Variants in FMN1 observed in about 807,000 individuals in gnomAD.
FMN1 encodes formin-1.
In FMN1, 110 loss-of-function variants were observed where a neutral mutation model predicts 132.4. The ratio of observed to expected loss-of-function variants is 0.83; its 90% CI spans 0.71 to 0.97. FMN1 has a LOEUF of 0.97. FMN1 is among the 50% of genes least tolerant of loss of function. FMN1 has a pLI of 0.00. For synonymous variants in FMN1, 722 were observed against 651.7 expected (o/e 1.11, Z -1.64); for missense variants, 1,792 against 1,705.3 (o/e 1.05, Z -0.90).
chr15:33,049,320 A>C (rs181526735), intron 6 of FMN1, among the ~76,000 whole-genome samples: 22 of 152,342 alleles, frequency 1.4e-4, no homozygotes, highest in Admixed American at 1.4e-3. Context: ...CTTGTGGTAA[A>C]TGTGACATTA....
At chr15:32,841,546 C>T (rs116933355) in intron 17 of FMN1, among the ~76,000 whole-genome samples, 1,844 of 152,212 alleles carry the variant, frequency 0.012, 55 homozygotes, top group Admixed American at 0.061. Flanking sequence ...TCAGAAGAAG[C>T]GGAGTAGAAA....
Position 32,926,277 on chromosome 15 carries a change from A to AAG in FMN1, c.3139-17_3139-16insCT. ...ATTTGATGATCTAAAATTAGAAAAA[A>AAG]AAAAAAAAGAATACAAGCTCAAATG... On this transcript the variant is annotated splice_polypyrimidine_tract_variant and intron_variant, in intron 9 of 20. Coordinates refer to ENST00000616417, the MANE Select transcript of FMN1 (RefSeq NM_001277313.2). The AAG allele has an allele frequency of 7.1e-7, 1 of 1,406,858 alleles. No individual in the cohort carries two copies. Among genetic ancestry groups the AAG allele is most frequent in the Non-Finnish European group, 9.7e-7 (1 of 1,030,932 alleles). 87.1% of individuals were successfully genotyped at this position (1,406,858 alleles called of 1,614,324 possible). A position where few individuals can be genotyped will look rare whatever the true frequency, so the allele number is the denominator to read the frequency against.
intron 5 of FMN1, chr15:33,068,054 C>T: frequency 7.0e-7 from 1 of 1,427,414 alleles, no homozygotes; most frequent in East Asian, 2.5e-5. Flanking sequence ...TCACAGTGCC[C>T]TCCTTCCGGT....
chr15:32,968,355 C>T (rs995080133), intron 8 of FMN1, among the ~76,000 whole-genome samples: 6 of 152,106 alleles, frequency 3.9e-5, no homozygotes, highest in Admixed American at 6.5e-5. Context: ...CTCAGTGAAC[C>T]TACAGTATGG....
At chr15:32,797,759 G>A (rs2057337373) in intron 19 of FMN1, among the ~76,000 whole-genome samples, 1 of 152,112 alleles carries the variant, frequency 6.6e-6, no homozygotes. Context: ...AATACTTAGA[G>A]ACTAATACTA....
At position 33,112,208 on chromosome 15, in the gene FMN1, A is replaced by T. The variant is rs138965092; in HGVS notation, c.1868-23234T>A. Among the ~76,000 whole-genome samples, 1,491 of 152,246 alleles carry T rather than the reference A, an allele frequency of 9.8e-3. 21 individuals carry two copies. The highest frequency in any genetic ancestry group is 0.034 in the African/African-American group (1,415 of 41,552). On this transcript the variant is annotated intron_variant, in intron 4 of 20. Coordinates refer to ENST00000616417, the MANE Select transcript of FMN1 (RefSeq NM_001277313.2). ...ATAGTCATCTACATGATAAAATGTT[A>T]CCCCTTAAAATTATAAAGGTATAAT...
intron 4 of FMN1, among the ~76,000 whole-genome samples, chr15:33,142,946 G>C (rs1213126746): frequency 6.6e-6 from 1 of 152,204 alleles, no homozygotes; most frequent in Non-Finnish European, 1.5e-5. Context: ...TGAAGTACAT[G>C]AAACATTAAA....
chr15:33,055,912 C>T (rs756674284), intron 6 of FMN1, among the ~76,000 whole-genome samples: 4 of 152,092 alleles, frequency 2.6e-5, no homozygotes, highest in African/African-American at 9.7e-5. Context: ...GAAAGAGAGA[C>T]AATTCATTAA....
chr15:33,031,034 G>A (rs1358572868), intron 6 of FMN1, among the ~76,000 whole-genome samples: 5 of 149,452 alleles, frequency 3.3e-5, no homozygotes, highest in African/African-American at 1.2e-4. Context: ...GTGTCCATGT[G>A]TTCTCATTGT....
At chr15:33,033,517 T>G (rs1162326302) in intron 6 of FMN1, among the ~76,000 whole-genome samples, 1 of 152,194 alleles carries the variant, frequency 6.6e-6, no homozygotes, top group Non-Finnish European at 1.5e-5. Flanking sequence ...CTTGAAAGTA[T>G]CACTCTAGGT....
At chr15:33,089,523 T>C (rs532505205) in intron 4 of FMN1, among the ~76,000 whole-genome samples, 2 of 152,238 alleles carry the variant, frequency 1.3e-5, no homozygotes, top group Admixed American at 6.5e-5. Context: ...AAGGTATTAG[T>C]CTAGCTTATT....
intron 1 of FMN1, among the ~76,000 whole-genome samples, 175 bp from the exon 2 acceptor site, chr15:33,194,235 CCCCGCCCT>C (rs970595387): frequency 9.8e-5 from 13 of 132,756 alleles, no homozygotes; most frequent in African/African-American, 3.2e-4. Context: ...TCTCTCCGTC[CCCCGCCCT>C]CCCGCCCTCC....
At chr15:32,897,200 T>C (rs1041920710) in intron 15 of FMN1, among the ~76,000 whole-genome samples, 1 of 152,250 alleles carries the variant, frequency 6.6e-6, no homozygotes, top group African/African-American at 2.4e-5. Context: ...TTGGCACCTG[T>C]TGGCTATTTG....
At position 32,770,472 on chromosome 15, in the gene FMN1, T is replaced by G. The variant is rs1159930454; in HGVS notation, c.*3838A>C. The G allele has an allele frequency of 6.6e-6, 1 of 152,248 alleles. No individual in the cohort carries two copies. Among genetic ancestry groups the G allele is most frequent in the Non-Finnish European group, 1.5e-5 (1 of 68,038 alleles). The allele number at this position is 152,248 out of a possible 1,614,324, so 9.4% of individuals were successfully genotyped here. On this transcript the variant is annotated 3_prime_UTR_variant, in exon 21 of 21. Transcript: ENST00000616417. Reference sequence around the variant, plus strand: ...CTTTGCCCAAAATAAACATATTTCTTCTGCTACATCTCACTGCGGCCCTTA... The same window carrying G: ...CTTTGCCCAAAATAAACATATTTCTGCTGCTACATCTCACTGCGGCCCTTA...
chr15:33,065,638 G>A (rs985227863), intron 5 of FMN1, among the ~76,000 whole-genome samples: 2 of 152,088 alleles, frequency 1.3e-5, no homozygotes, highest in Admixed American at 6.6e-5. Flanking sequence ...ATTGTGCTTG[G>A]TTTTTTAACT....
intron 16 of FMN1, among the ~76,000 whole-genome samples, chr15:32,870,471 T>C (rs759893394): frequency 2.0e-5 from 3 of 152,056 alleles, no homozygotes; most frequent in Non-Finnish European, 4.4e-5. Context: ...CATGAAAAAA[T>C]TTAAGCAGAG....
chr15:33,147,213 T>C (rs2444981), intron 4 of FMN1, among the ~76,000 whole-genome samples: 13,911 of 151,918 alleles, frequency 0.092, 1,584 homozygotes, highest in East Asian at 0.6. Flanking sequence ...CTTTCAATAT[T>C]CAGTACTCTG....
At position 32,955,391 on chromosome 15, in the gene FMN1, G is replaced by A. The variant is rs75559409; in HGVS notation, c.3138+8716C>T. Reference sequence around the variant, plus strand: ...CAAGTTCACCTTCAAAAGCATCCATGTGACCTGGACTTGCAACCGAAGTAT... The same window carrying A: ...CAAGTTCACCTTCAAAAGCATCCATATGACCTGGACTTGCAACCGAAGTAT... On this transcript the variant is annotated intron_variant, in intron 9 of 20. Transcript: ENST00000616417. Among the ~76,000 whole-genome samples the A allele has an allele frequency of 5.2e-3, 799 of 152,302 alleles. 2 individuals carry two copies. The highest frequency in any genetic ancestry group is 9.7e-3 in the Admixed American group (149 of 15,300).
intron 1 of FMN1, among the ~76,000 whole-genome samples, 153 bp from the exon 2 acceptor site, chr15:33,194,213 A>AG (rs1473918456): frequency 6.7e-6 from 1 of 149,632 alleles, no homozygotes; most frequent in African/African-American, 2.5e-5. Context: ...AAAAAAAAAA[A>AG]AAAGCTCTGC....
Sources: allele counts gnomAD v4.1 joint callset (sites outside exome capture counted in the v4.1 genomes callset), GRCh38; gene constraint gnomAD v4.1.1; transcripts MANE v1.5; gene names NCBI Gene and HGNC (gene_info 2026-07-23, HGNC 2026-07-21).